Variants in PRKG1 observed in about 807,000 individuals in gnomAD.
PRKG1 encodes cGMP-dependent protein kinase 1.
PRKG1 carries 35 observed loss-of-function variants against 88.1 expected under a neutral mutation model. That is an observed-to-expected ratio of 0.40 (90% CI 0.30 to 0.53). The LOEUF (loss-of-function observed/expected upper bound fraction) is 0.53, where lower values mean the gene tolerates loss of function less well. PRKG1 is among the 20% of genes least tolerant of loss of function. The probability of loss-of-function intolerance (pLI) is 0.59; values close to 1 mark genes in which losing one functional copy is unlikely to be tolerated. For synonymous variants in PRKG1, 303 were observed against 292.5 expected (o/e 1.04, Z -0.37); for missense variants, 540 against 839.8 (o/e 0.64, Z 4.41).
At position 52,284,659 on chromosome 10, in the gene PRKG1, T is replaced by C. The variant is rs188969737; in HGVS notation, c.1709+2343T>C. 2.9e-3 allele frequency among the ~76,000 whole-genome samples: 437 copies of C among 152,206 alleles called. 1 individual carries two copies. The highest frequency in any genetic ancestry group is 0.01 in the African/African-American group (422 of 41,546). ...CAAAGTATTTTGGTCCTGAATGTCA[T>C]ATCTAATGATCTTCGATAGTAATAA... On this transcript the variant is annotated intron_variant, in intron 14 of 17. Transcript: ENST00000373980.
intron 1 of PRKG1, among the ~76,000 whole-genome samples, chr10:50,998,441 G>A (rs953567711): frequency 6.6e-5 from 10 of 151,980 alleles, no homozygotes; most frequent in African/African-American, 1.5e-4. Flanking sequence ...TTTATTAATC[G>A]TTCATGTTGA....
intron 7 of PRKG1, among the ~76,000 whole-genome samples, chr10:52,122,202 C>T (rs1847836157): frequency 2.0e-5 from 3 of 152,140 alleles, no homozygotes; most frequent in Admixed American, 2.0e-4. Flanking sequence ...CAAGAGAGTG[C>T]AAGAGGGAGC....
intron 1 of PRKG1, among the ~76,000 whole-genome samples, chr10:51,129,829 A>G (rs1292210947): frequency 3.3e-5 from 5 of 152,060 alleles, no homozygotes; most frequent in East Asian, 1.9e-4. Flanking sequence ...GAAGGGTCAC[A>G]TTTTTCCCTC....
chr10:51,032,056 G>T (rs1261720436), intron 1 of PRKG1, among the ~76,000 whole-genome samples: 3 of 152,116 alleles, frequency 2.0e-5, no homozygotes, highest in Non-Finnish European at 4.4e-5. Flanking sequence ...AAGTTGAGTG[G>T]GGGGAACTGC....
chr10:51,713,036 T>C (rs1841800189), intron 3 of PRKG1, among the ~76,000 whole-genome samples: 1 of 152,034 alleles, frequency 6.6e-6, no homozygotes, highest in Admixed American at 6.6e-5. Context: ...TTTCCCAGGG[T>C]TATACAGCAA....
chr10:51,721,737 T>C (rs1199275829), intron 3 of PRKG1, among the ~76,000 whole-genome samples: 2 of 123,062 alleles, frequency 1.6e-5, no homozygotes, highest in Admixed American at 7.6e-5. Context: ...TAACCAGTGG[T>C]ATTTTCTTAT....
chr10:51,369,014 G>A (rs1842645946), intron 2 of PRKG1, among the ~76,000 whole-genome samples: 1 of 152,030 alleles, frequency 6.6e-6, no homozygotes, highest in South Asian at 2.1e-4. Flanking sequence ...AAAAATCTTA[G>A]AAATGAGATA....
At chr10:52,036,681 A>G (rs1274617142) in intron 5 of PRKG1, among the ~76,000 whole-genome samples, 14 of 151,800 alleles carry the variant, frequency 9.2e-5, no homozygotes, top group African/African-American at 3.1e-4. Flanking sequence ...GCAATGAGAT[A>G]TAGCTGTAGT....
chr10:51,586,787 C>T (rs1838184970), intron 3 of PRKG1, among the ~76,000 whole-genome samples: 1 of 152,032 alleles, frequency 6.6e-6, no homozygotes, highest in Non-Finnish European at 1.5e-5. Context: ...ATAGTAGCAA[C>T]TGAAAGAAGA....
chr10:52,017,988 G>T (rs541189431), intron 5 of PRKG1, among the ~76,000 whole-genome samples: 38 of 152,142 alleles, frequency 2.5e-4, no homozygotes, highest in African/African-American at 8.9e-4. Context: ...TTCTGGGCTG[G>T]AGACACTCAC....
At chr10:52,149,054 GA>G (rs1221314790) in intron 8 of PRKG1, among the ~76,000 whole-genome samples, 2 of 123,426 alleles carry the variant, frequency 1.6e-5, no homozygotes, top group African/African-American at 6.3e-5. Flanking sequence ...AAAACAATAA[GA>G]AAGATTGTAA....
intron 2 of PRKG1, among the ~76,000 whole-genome samples, chr10:51,400,572 T>C (rs1486481633): frequency 2.0e-5 from 3 of 152,222 alleles, no homozygotes; most frequent in African/African-American, 7.2e-5. Context: ...TAAAAATTTT[T>C]CAAGCCTTCT....
chr10:51,608,837 T>C (rs750476675), intron 3 of PRKG1, among the ~76,000 whole-genome samples: 1 of 152,160 alleles, frequency 6.6e-6, no homozygotes, highest in Admixed American at 6.6e-5. Context: ...CCTGACACTA[T>C]GTAGGTCTAG....
intron 9 of PRKG1, among the ~76,000 whole-genome samples, chr10:52,243,971 AGCAG>A (rs2132384335): frequency 6.6e-6 from 1 of 152,290 alleles, no homozygotes; most frequent in African/African-American, 2.4e-5. Flanking sequence ...TTTTGGAAAT[AGCAG>A]GAGCAAACTA....
At chr10:52,186,176 C>A (rs1213180055) in intron 9 of PRKG1, among the ~76,000 whole-genome samples, 1 of 152,104 alleles carries the variant, frequency 6.6e-6, no homozygotes, top group East Asian at 1.9e-4. Flanking sequence ...GTACAAGAAG[C>A]ATAGTGCTGG....
intron 2 of PRKG1, among the ~76,000 whole-genome samples, chr10:51,290,293 A>G (rs1308282954): frequency 3.3e-5 from 5 of 152,180 alleles, no homozygotes; most frequent in African/African-American, 1.2e-4. Flanking sequence ...AAATTTGTTT[A>G]TAATATTTGA....
At chr10:51,545,542 A>C (rs1305748863) in intron 3 of PRKG1, among the ~76,000 whole-genome samples, 1 of 152,288 alleles carries the variant, frequency 6.6e-6, no homozygotes, top group Non-Finnish European at 1.5e-5. Context: ...CTCTTAGAGA[A>C]GTAGGGACAA....
intron 1 of PRKG1, among the ~76,000 whole-genome samples, chr10:51,011,068 A>T (rs1387982630): frequency 1.3e-5 from 2 of 152,214 alleles, no homozygotes; most frequent in East Asian, 3.9e-4. Context: ...ATAACTAAAA[A>T]GCACCAATAA....
intron 2 of PRKG1, among the ~76,000 whole-genome samples, chr10:51,426,121 A>G (rs544163764): frequency 1.2e-4 from 19 of 152,226 alleles, no homozygotes; most frequent in African/African-American, 4.6e-4. Context: ...ATTAAAAAGT[A>G]CAAAAATTAG....
Sources: allele counts gnomAD v4.1 joint callset (sites outside exome capture counted in the v4.1 genomes callset), GRCh38; gene constraint gnomAD v4.1.1; transcripts MANE v1.5; gene names NCBI Gene and HGNC (gene_info 2026-07-23, HGNC 2026-07-21).